Variants in ARID1B observed in about 807,000 individuals in gnomAD.
ARID1B encodes AT-rich interaction domain 1B, also known as AT-rich interactive domain-containing protein 1B.
Under a neutral mutation model 212.3 loss-of-function variants are expected in ARID1B, and 30 were observed. The observed-to-expected ratio is 0.14, with a 90% CI of 0.11 to 0.19. ARID1B has a LOEUF of 0.19. Among genes scored for constraint, ARID1B ranks in the 10% least tolerant of loss-of-function variants. ARID1B has a pLI of 1.00. For missense variants in ARID1B, 2,891 were observed against 3,204.0 expected, an observed-to-expected ratio of 0.90 and a Z score of 2.36; for synonymous variants, 1,402 against 1,301.7, an observed-to-expected ratio of 1.08 and a Z score of -1.66.
chr6:156,809,161 C>T (rs1032499875), intron 1 of ARID1B, among the ~76,000 whole-genome samples: 13 of 152,136 alleles, frequency 8.5e-5, no homozygotes, highest in African/African-American at 2.9e-4. Flanking sequence ...CATAAAGGCT[C>T]AGTCTGTTTC....
At chr6:156,962,713 G>A (rs993071669) in intron 4 of ARID1B, among the ~76,000 whole-genome samples, 2 of 152,098 alleles carry the variant, frequency 1.3e-5, no homozygotes, top group Non-Finnish European at 2.9e-5. Context: ...AAACTCCCAC[G>A]CTCAAGAGAT....
At chr6:157,137,460 A>G (rs551506620) in intron 7 of ARID1B, among the ~76,000 whole-genome samples, 42 of 152,356 alleles carry the variant, frequency 2.8e-4, no homozygotes, top group African/African-American at 9.9e-4. Context: ...ATTATTAATA[A>G]GTGAGTTTGT....
At chr6:156,846,151 T>TTTTGTTTG (rs71027318) in intron 2 of ARID1B, among the ~76,000 whole-genome samples, 12,802 of 149,882 alleles carry the variant, frequency 0.085, 824 homozygotes, top group East Asian at 0.3. Context: ...AGGCTATTTT[T>TTTTGTTTG]TTTGTTTGTT....
chr6:156,801,262 G>A (rs1484057399), intron 1 of ARID1B, among the ~76,000 whole-genome samples: 1 of 146,952 alleles, frequency 6.8e-6, no homozygotes, highest in Non-Finnish European at 1.5e-5. Flanking sequence ...GTGCAGTGGT[G>A]CAATCTCGGC....
At chr6:156,843,491 A>G (rs573606737) in intron 2 of ARID1B, among the ~76,000 whole-genome samples, 4 of 152,100 alleles carry the variant, frequency 2.6e-5, no homozygotes, top group African/African-American at 4.8e-5. Context: ...CGGCAGGGAC[A>G]CTCTGCAAAG....
chr6:156,896,576 C>CAA (rs72490811), intron 2 of ARID1B, among the ~76,000 whole-genome samples: 7,386 of 45,482 alleles, frequency 0.16, 879 homozygotes, highest in African/African-American at 0.22. Context: ...AACTGCGTCT[C>CAA]AAAAAAAAAA....
chr6:157,194,931 G>GT (rs1793614069), intron 15 of ARID1B: 1 of 152,182 alleles, frequency 6.6e-6, no homozygotes, highest in African/African-American at 2.4e-5. Flanking sequence ...CGAGGCTACA[G>GT]TAAGCTACGA....
chr6:156,858,752 C>T (rs1337512903), intron 2 of ARID1B, among the ~76,000 whole-genome samples: 2 of 152,090 alleles, frequency 1.3e-5, no homozygotes, highest in Non-Finnish European at 2.9e-5. Context: ...CTGGGTAACA[C>T]AGTAAGACTC....
At chr6:157,136,993 C>G (rs2128596985) in intron 7 of ARID1B, among the ~76,000 whole-genome samples, 1 of 152,194 alleles carries the variant, frequency 6.6e-6, no homozygotes, top group East Asian at 1.9e-4. Context: ...GCCTGGGCAA[C>G]ATGGTAGAAC....
chr6:156,985,813 A>T (rs1049799919), intron 4 of ARID1B, among the ~76,000 whole-genome samples: 24 of 152,204 alleles, frequency 1.6e-4, no homozygotes, highest in Admixed American at 1.3e-3. Context: ...TCTAAATATC[A>T]TCATCCTGTC....
chr6:156,931,007 A>G (rs545250001), intron 3 of ARID1B, among the ~76,000 whole-genome samples: 18 of 152,140 alleles, frequency 1.2e-4, no homozygotes, highest in South Asian at 6.2e-4. Context: ...TGGCCAACAC[A>G]GTGAAACCCC....
chr6:157,177,322 G>A (rs980017169), intron 11 of ARID1B, among the ~76,000 whole-genome samples: 1 of 152,210 alleles, frequency 6.6e-6, no homozygotes, highest in African/African-American at 2.4e-5. Context: ...GCAAAAGAGA[G>A]TATAATGAAG....
At chr6:156,931,046 C>A (rs1469217612) in intron 3 of ARID1B, among the ~76,000 whole-genome samples, 8 of 151,912 alleles carry the variant, frequency 5.3e-5, no homozygotes, top group Non-Finnish European at 1.2e-4. Flanking sequence ...AAAAATTAGC[C>A]AGGTGTGGTG....
intron 7 of ARID1B, among the ~76,000 whole-genome samples, chr6:157,139,846 T>G (rs1789211845): frequency 6.6e-6 from 1 of 151,588 alleles, no homozygotes; most frequent in African/African-American, 2.4e-5. Context: ...CATCAGCCTC[T>G]GGGGTAGCTA....
chr6:156,807,305 G>C (rs1781241068), intron 1 of ARID1B, among the ~76,000 whole-genome samples: 2 of 152,092 alleles, frequency 1.3e-5, no homozygotes, highest in South Asian at 4.1e-4. Flanking sequence ...TAAGCAAGAA[G>C]CTTGCATGTC....
At chr6:157,061,215 A>C (rs950239228) in intron 4 of ARID1B, among the ~76,000 whole-genome samples, 1 of 152,230 alleles carries the variant, frequency 6.6e-6, no homozygotes, top group Non-Finnish European at 1.5e-5. Flanking sequence ...TTACTGCATT[A>C]AATTGAGAGC....
At chr6:157,045,796 G>C (rs542495967) in intron 4 of ARID1B, among the ~76,000 whole-genome samples, 1 of 151,918 alleles carries the variant, frequency 6.6e-6, no homozygotes, top group Non-Finnish European at 1.5e-5. Flanking sequence ...AGCAGTAGAG[G>C]ACCAAGTTTA....
chr6:157,010,521 C>A (rs149499637), intron 4 of ARID1B, among the ~76,000 whole-genome samples: 1 of 151,862 alleles, frequency 6.6e-6, no homozygotes. Context: ...CGGAGTTTCA[C>A]CATGTTGGCC....
At chr6:156,931,484 C>G (rs1415150778) in intron 3 of ARID1B, among the ~76,000 whole-genome samples, 1 of 152,036 alleles carries the variant, frequency 6.6e-6, no homozygotes, top group East Asian at 1.9e-4. Flanking sequence ...TGTTCAAGTA[C>G]CTCGCAAAGG....
Sources: gnomAD v4.1 joint callset for allele counts (sites outside exome capture counted in the v4.1 genomes callset) on GRCh38, gnomAD v4.1.1 for gene constraint, MANE v1.5 for transcripts, NCBI Gene and HGNC (gene_info 2026-07-23, HGNC 2026-07-21) for gene names.